The following COL19A1 variants were observed in gnomAD, a reference collection of about 807,000 sequenced individuals.
The protein encoded by COL19A1 is collagen type XIX alpha 1 chain, also known as collagen alpha-1(XIX) chain.
A neutral mutation model predicts 190.2 loss-of-function variants in COL19A1; 159 were observed. The observed-to-expected ratio is 0.84, with a 90% confidence interval of 0.73 to 0.95. COL19A1 has a LOEUF of 0.95. Ranked by LOEUF, COL19A1 falls within the 40% of genes least tolerant of loss-of-function variation. The pLI, the probability that COL19A1 is intolerant of heterozygous loss-of-function variation, is 0.00. For synonymous variants in COL19A1, 509 were observed against 458.9 expected (o/e 1.11, Z -1.39); for missense variants, 1,418 against 1,431.9 (o/e 0.99, Z 0.16).
chr6:69,904,978 G>T (rs564716077), intron 4 of COL19A1, among the ~76,000 whole-genome samples: 7 of 152,188 alleles, frequency 4.6e-5, no homozygotes, highest in African/African-American at 9.6e-5. Flanking sequence ...CGTGCTTCCA[G>T]CTGCCTCGGT....
At chr6:69,921,588 A>T (rs186893783) in intron 4 of COL19A1, among the ~76,000 whole-genome samples, 2 of 144,858 alleles carry the variant, frequency 1.4e-5, no homozygotes, top group Non-Finnish European at 3.0e-5. Context: ...ATATTCGCAC[A>T]TAGATTCGTA....
intron 4 of COL19A1, among the ~76,000 whole-genome samples, chr6:69,926,965 CAT>C (rs1772440668): frequency 1.3e-5 from 2 of 152,028 alleles, no homozygotes; most frequent in South Asian, 4.1e-4. Context: ...AGTGGGATGA[CAT>C]AGTCAACGTT....
intron 11 of COL19A1, among the ~76,000 whole-genome samples, chr6:69,996,302 G>C (rs1227676879): frequency 6.6e-6 from 1 of 152,098 alleles, no homozygotes; most frequent in Non-Finnish European, 1.5e-5. Flanking sequence ...CGGACCTCCT[G>C]TTTCCAAGCA....
intron 40 of COL19A1, among the ~76,000 whole-genome samples, chr6:70,171,577 A>G (rs1765503192): frequency 6.6e-6 from 1 of 152,166 alleles, no homozygotes; most frequent in African/African-American, 2.4e-5. Context: ...ACTCTTAAAC[A>G]GTTTATTCTT....
At chr6:69,999,398 A>G (rs1411734762) in intron 11 of COL19A1, among the ~76,000 whole-genome samples, 2 of 152,076 alleles carry the variant, frequency 1.3e-5, no homozygotes, top group Non-Finnish European at 2.9e-5. Context: ...GCTAGATGTC[A>G]TGGTGCATGC....
chr6:70,127,291 AG>A (rs1347564272), intron 17 of COL19A1, among the ~76,000 whole-genome samples: 1 of 152,200 alleles, frequency 6.6e-6, no homozygotes, highest in Non-Finnish European at 1.5e-5. Context: ...TAAAGTTTTG[AG>A]AAATGGAGGC....
chr6:70,112,107 G>A (rs1167423238), intron 16 of COL19A1, among the ~76,000 whole-genome samples: 1 of 152,176 alleles, frequency 6.6e-6, no homozygotes, highest in African/African-American at 2.4e-5. Flanking sequence ...GGTGTGGGCT[G>A]CCTGTGGGGT....
At chr6:69,932,624 A>G (rs568382652) in intron 6 of COL19A1, among the ~76,000 whole-genome samples, 159 bp from the exon 7 acceptor site, 3 of 152,208 alleles carry the variant, frequency 2.0e-5, no homozygotes, top group South Asian at 4.1e-4. Context: ...TAGTCCACAA[A>G]ACAATGAATC....
intron 11 of COL19A1, among the ~76,000 whole-genome samples, chr6:69,981,190 T>C (rs2150065157): frequency 6.6e-6 from 1 of 152,274 alleles, no homozygotes; most frequent in South Asian, 2.1e-4. Context: ...AAACAAACCA[T>C]ACAGAGTTTT....
intron 18 of COL19A1, chr6:70,131,122 G>T: frequency 2.5e-6 from 1 of 394,696 alleles, no homozygotes; most frequent in Non-Finnish European, 5.3e-6. Flanking sequence ...ACTCCTGTTT[G>T]ATTCTGAAAT....
At chr6:69,978,174 T>G (rs1775832451) in intron 11 of COL19A1, among the ~76,000 whole-genome samples, 1 of 152,128 alleles carries the variant, frequency 6.6e-6, no homozygotes, top group African/African-American at 2.4e-5. Context: ...CACCTGAAAC[T>G]TTTGCTATAT....
intron 12 of COL19A1, among the ~76,000 whole-genome samples, chr6:70,030,850 TCTC>T (rs1439825448): frequency 6.6e-6 from 1 of 152,112 alleles, no homozygotes; most frequent in East Asian, 1.9e-4. Context: ...TCTGACCACT[TCTC>T]ATCATCTCCA....
intron 39 of COL19A1, among the ~76,000 whole-genome samples, 182 bp from the exon 40 acceptor site, chr6:70,168,473 C>A (rs1240762692): frequency 6.6e-6 from 1 of 152,140 alleles, no homozygotes; most frequent in Admixed American, 6.5e-5. Flanking sequence ...TCCAAGCAAT[C>A]ATTTTTATGA....
At chr6:69,961,420 A>T (rs1020377977) in intron 10 of COL19A1, among the ~76,000 whole-genome samples, 3 of 152,192 alleles carry the variant, frequency 2.0e-5, no homozygotes, top group African/African-American at 7.2e-5. Flanking sequence ...AAGCCAAGGG[A>T]TGTGCAGATT....
intron 18 of COL19A1, among the ~76,000 whole-genome samples, chr6:70,130,705 A>G (rs1785469122): frequency 6.6e-6 from 1 of 152,260 alleles, no homozygotes; most frequent in African/African-American, 2.4e-5. Context: ...AATCTGCTTC[A>G]GGGTCCAGCA....
chr6:70,017,367 T>C (rs1456465579), intron 11 of COL19A1, among the ~76,000 whole-genome samples: 1 of 152,140 alleles, frequency 6.6e-6, no homozygotes, highest in Admixed American at 6.6e-5. Context: ...AAGGAAACTT[T>C]TTTAGGTGAT....
At chr6:70,008,005 T>A (rs1193854072) in intron 11 of COL19A1, among the ~76,000 whole-genome samples, 2 of 151,718 alleles carry the variant, frequency 1.3e-5, no homozygotes, top group African/African-American at 4.8e-5. Context: ...AAAAGGAAAA[T>A]TTGAAAACAT....
At chr6:69,903,339 C>G (rs1282686732) in intron 4 of COL19A1, among the ~76,000 whole-genome samples, 2 of 152,126 alleles carry the variant, frequency 1.3e-5, no homozygotes, top group Non-Finnish European at 2.9e-5. Context: ...TTGCATTAGG[C>G]CTATAGGCTT....
chr6:69,929,368 TTAA>T, intron 5 of COL19A1, 54 bp from the exon 6 acceptor site: 1 of 1,529,064 alleles, frequency 6.5e-7, no homozygotes, highest in Admixed American at 1.9e-5. Flanking sequence ...TTTGTGTGCT[TTAA>T]TAATTTTGAA....
Sources: gnomAD v4.1 joint callset for allele counts (sites outside exome capture counted in the v4.1 genomes callset) on GRCh38, gnomAD v4.1.1 for gene constraint, MANE v1.5 for transcripts, NCBI Gene and HGNC (gene_info 2026-07-23, HGNC 2026-07-21) for gene names.